The following FGFRL1 variants were observed in gnomAD, a reference collection of about 807,000 sequenced individuals.
FGFRL1 encodes fibroblast growth factor receptor-like 1.
In FGFRL1, 24 loss-of-function variants were observed where a neutral mutation model predicts 36.8. The observed-to-expected ratio is 0.65, with a 90% confidence interval of 0.47 to 0.92. The LOEUF is 0.92. Ranked by LOEUF, FGFRL1 falls within the 40% of genes least tolerant of loss-of-function variation. The pLI is 0.00. For missense variants in FGFRL1, 785 were observed against 753.4 expected, an observed-to-expected ratio of 1.04 and a Z score of -0.49; for synonymous variants, 422 against 344.1, an observed-to-expected ratio of 1.23 and a Z score of -2.50.
At position 1,012,466 on chromosome 4, in the gene FGFRL1, C is replaced by T. The variant is rs777733998; in HGVS notation, c.-16-4C>T. ...GTTAGTGACGGCGCCCCCAATGTCC[C>T]CAGGTCCGGACAGGCCGAGATGACG... On this transcript the variant is annotated splice_region_variant and splice_polypyrimidine_tract_variant and intron_variant, in intron 1 of 6. Coordinates refer to ENST00000510644, the MANE Select transcript of FGFRL1 (RefSeq NM_001004356.3). 3.2e-6 allele frequency: 5 copies of T among 1,577,520 alleles called. No individual in the cohort carries two copies. The Admixed American group carries it at 5.2e-5, about 16-fold the overall frequency.
chr4:1,023,962 C>T lies in FGFRL1; in HGVS notation c.579C>T (p.Arg193=), dbSNP rs374115931. Residue 193 remains arginine, a synonymous_variant, in exon 5 of 7, where the codon CGC becomes CGT. Coordinates refer to ENST00000510644, the MANE Select transcript of FGFRL1 (RefSeq NM_001004356.3). This position sits in a 1 kb window ranked among gnomAD's most constrained non-coding sequence, Gnocchi z 6.0. ...TGAAGGACGACCAGGCCTTGACGCG[C>T]CCAGAGGCCGCTGAGCCCAGGAAGA... is the stretch of plus-strand genomic sequence containing the variant. ...TWMKDDQALT[R]PEAAEPRKKK... 15 of 1,596,528 alleles carry T rather than the reference C, an allele frequency of 9.4e-6. No homozygotes were observed. Among genetic ancestry groups the T allele is most frequent in the Admixed American group, 3.4e-5 (2 of 58,462 alleles).
rs905391942 is a variant in FGFRL1, at chr4:1,023,407, C to T, written c.353-234C>T. 2.0e-5 allele frequency among the ~76,000 whole-genome samples: 3 copies of T among 152,194 alleles called. No individual in the cohort carries two copies. The highest frequency in any genetic ancestry group is 2.1e-4 in the South Asian group (1 of 4,834). ...GACCCCCCGGAGCCAGAATGGGGGC[C>T]GGCCCTCCAGCCCCACCCGTGCCCA... On this transcript the variant is annotated intron_variant, in intron 3 of 6. Transcript: ENST00000510644. This position sits in a 1 kb window ranked among gnomAD's most constrained non-coding sequence, Gnocchi z 6.0.
intron 2 of FGFRL1, among the ~76,000 whole-genome samples, chr4:1,014,921 G>C (rs147019953): frequency 1.3e-5 from 2 of 152,326 alleles, no homozygotes; most frequent in African/African-American, 4.8e-5. Flanking sequence ...GCCTGGAAAC[G>C]CCGACCGCAG....
chr4:1,022,347 G>T lies in FGFRL1; in HGVS notation c.224G>T (p.Ser75Ile). ...GGCCGCACCATCCACAGCGGCTGGA[G>T]CCGCTTCCGCGTGCTGCCGCAGGGG... is the stretch of plus-strand genomic sequence containing the variant. The part of the protein sequence containing the change: ...KDGRTIHSGW[S>I]RFRVLPQGLK... The change falls in exon 3 of 7, where the codon AGC (serine) becomes ATC (isoleucine). Residue 75 changes from serine (S) to isoleucine (I), a missense_variant. Physicochemically the swap from Ser to Ile is moderately radical, Grantham distance 142. Coordinates refer to ENST00000510644, the MANE Select transcript of FGFRL1 (RefSeq NM_001004356.3). 6.2e-7 allele frequency: 1 copy of T among 1,606,070 alleles called. No homozygotes were observed.
At chr4:1,024,152 C>T (rs1311262208) in intron 5 of FGFRL1, 51 bp downstream of exon 5, 34 of 761,732 alleles carry the variant, frequency 4.5e-5, no homozygotes, top group South Asian at 1.2e-4. Context: ...TGGGCGGGGG[C>T]GCTGGCGGGC....
At position 1,026,848 on chromosome 4, in the gene FGFRL1, C is replaced by G. The variant is rs899689910; in HGVS notation, c.*1501C>G. The G allele has an allele frequency of 2.4e-5, 11 of 454,830 alleles. No individual in the cohort carries two copies. Among genetic ancestry groups the G allele is most frequent in the Admixed American group, 9.4e-5 (4 of 42,374 alleles). 28.2% of individuals were successfully genotyped at this position (454,830 alleles called of 1,614,324 possible). ...TTTATGTAGAGTTTGAGCTGAAGCC[C>G]CGTATATTTAATTTATTTTGTTAAA... On this transcript the variant is annotated 3_prime_UTR_variant, in exon 7 of 7. Coordinates refer to ENST00000510644, the MANE Select transcript of FGFRL1 (RefSeq NM_001004356.3).
upstream of FGFRL1, among the ~76,000 whole-genome samples, chr4:1,010,603 T>A (rs1715533450): frequency 2.6e-5 from 4 of 151,132 alleles, no homozygotes; most frequent in African/African-American, 9.8e-5. Flanking sequence ...ATGGAGGAGG[T>A]GCTGGGATGG....
intron 2 of FGFRL1, among the ~76,000 whole-genome samples, chr4:1,019,134 C>G (rs1716043861): frequency 6.6e-6 from 1 of 152,252 alleles, no homozygotes; most frequent in South Asian, 2.1e-4. Context: ...CTTTGGGGAC[C>G]CTTACCTCAC....
At chr4:1,012,423 T>C in intron 1 of FGFRL1, 47 bp from the exon 2 acceptor site, 1 of 1,566,124 alleles carries the variant, frequency 6.4e-7, no homozygotes, top group Non-Finnish European at 8.6e-7. Flanking sequence ...GGGAGGGCGG[T>C]ATCTCCCAGT....
chr4:1,026,762 C>G lies in FGFRL1; in HGVS notation c.*1415C>G. ...CTTTCAGCCATGCTGATGACCACAC[C>G]CCGTCCAGGCCAGACACCACCCCCC... On this transcript the variant is annotated 3_prime_UTR_variant, in exon 7 of 7. Coordinates refer to ENST00000510644, the MANE Select transcript of FGFRL1 (RefSeq NM_001004356.3). 1 of 442,980 alleles carries G rather than the reference C, an allele frequency of 2.3e-6. No homozygotes were observed. 27.4% of individuals were successfully genotyped at this position (442,980 alleles called of 1,614,324 possible).
chr4:1,026,143 G>C lies in FGFRL1; in HGVS notation c.*796G>C, dbSNP rs955873231. The C allele has an allele frequency of 3.2e-5, 5 of 154,868 alleles. No individual in the cohort carries two copies. Among genetic ancestry groups the C allele is most frequent in the Admixed American group, 6.5e-5 (1 of 15,404 alleles). The allele number at this position is 154,868 out of a possible 1,614,324, so 9.6% of individuals were successfully genotyped here. A position where few individuals can be genotyped will look rare whatever the true frequency, so the allele number is the denominator to read the frequency against. On this transcript the variant is annotated 3_prime_UTR_variant, in exon 7 of 7. Transcript: ENST00000510644. ...CTGCCTCAACACTCACACACGTGCA[G>C]ATATTGCCTGGACACACACATGTGC...
intron 2 of FGFRL1, among the ~76,000 whole-genome samples, chr4:1,013,648 G>T (rs60679039): frequency 6.6e-6 from 1 of 152,266 alleles, no homozygotes; most frequent in Non-Finnish European, 1.5e-5. Flanking sequence ...ACCATGGCCA[G>T]CGGCCTGGAC....
chr4:1,025,372 C>T lies in FGFRL1; in HGVS notation c.*25C>T, dbSNP rs953356178. 101 of 1,518,590 alleles carry T rather than the reference C, an allele frequency of 6.7e-5. No individual in the cohort carries two copies. In the Middle Eastern group the frequency reaches 1.0e-3, roughly 15 times the overall value. The allele number at this position is 1,518,590 out of a possible 1,614,324, so 94.1% of individuals were successfully genotyped here. On this transcript the variant is annotated 3_prime_UTR_variant, in exon 7 of 7. Coordinates refer to ENST00000510644, the MANE Select transcript of FGFRL1 (RefSeq NM_001004356.3). ...GACGGCACCGTATCTGCAGTGGGCA[C>T]GGGGGGGCCGGCCAGACAGGCAGAC...
At chr4:1,016,193 C>T (rs1715877979) in intron 2 of FGFRL1, among the ~76,000 whole-genome samples, 1 of 152,198 alleles carries the variant, frequency 6.6e-6, no homozygotes, top group Non-Finnish European at 1.5e-5. Context: ...TCAGCTCACC[C>T]CTGATCTCTG....
intron 2 of FGFRL1, among the ~76,000 whole-genome samples, chr4:1,020,213 C>T (rs1577563872): frequency 6.6e-6 from 1 of 152,224 alleles, no homozygotes; most frequent in Non-Finnish European, 1.5e-5. Context: ...TGGCCTGGAG[C>T]AGCTGCTACC....
chr4:1,015,946 G>A (rs1187740128), intron 2 of FGFRL1, among the ~76,000 whole-genome samples: 1 of 152,238 alleles, frequency 6.6e-6, no homozygotes, highest in Non-Finnish European at 1.5e-5. Flanking sequence ...GGTGCCTGAC[G>A]CAGGCATCAC....
chr4:1,012,492 C>T lies in FGFRL1; in HGVS notation c.7C>T (p.Pro3Ser), dbSNP rs1381865964. 1 of 1,575,126 alleles carries T rather than the reference C, an allele frequency of 6.3e-7. No homozygotes were observed. Among genetic ancestry groups the T allele is most frequent in the Non-Finnish European group, 8.6e-7 (1 of 1,165,550 alleles). MTPSPLLLLLLPP... is the reference protein window; with the variant it reads MTSSPLLLLLLPP... ...CAGGTCCGGACAGGCCGAGATGACGCCGAGCCCCCTGTTGCTGCTCCTGCT... is the reference window on the plus strand; with the variant it reads ...CAGGTCCGGACAGGCCGAGATGACGTCGAGCCCCCTGTTGCTGCTCCTGCT... Residue 3 changes from proline to serine, a missense_variant, in exon 2 of 7, where the codon CCG (proline) becomes TCG (serine). Pro to Ser is a moderately conservative substitution (Grantham distance 74). Coordinates refer to ENST00000510644, the MANE Select transcript of FGFRL1 (RefSeq NM_001004356.3).
intron 2 of FGFRL1, among the ~76,000 whole-genome samples, chr4:1,014,869 G>C (rs925716162): frequency 1.3e-5 from 2 of 152,190 alleles, no homozygotes; most frequent in African/African-American, 2.4e-5. Flanking sequence ...CTGTCCCCTT[G>C]GGGGGAGGGA....
At chr4:1,014,476 A>G (rs773434120) in intron 2 of FGFRL1, among the ~76,000 whole-genome samples, 3 of 152,146 alleles carry the variant, frequency 2.0e-5, no homozygotes, top group African/African-American at 7.2e-5. Context: ...TGGCCTGCCT[A>G]GGAGGCCACT....
Sources: gnomAD v4.1 joint callset for allele counts (sites outside exome capture counted in the v4.1 genomes callset) on GRCh38, gnomAD v4.1.1 for gene constraint, Gnocchi (gnomAD v3.1) non-coding constraint, MANE v1.5 for transcripts, NCBI Gene and HGNC (gene_info 2026-07-23, HGNC 2026-07-21) for gene names.